HHAT: variants seen among roughly 807,000 people sequenced by gnomAD.
HHAT encodes protein-cysteine N-palmitoyltransferase HHAT.
Under a neutral mutation model 70.8 loss-of-function variants are expected in HHAT, and 47 were observed. That is an observed-to-expected ratio of 0.66 (90% confidence interval 0.53 to 0.85). The LOEUF is 0.85. HHAT is among the 40% of genes least tolerant of loss of function. The probability of loss-of-function intolerance (pLI) is 0.00; values close to 1 mark genes in which losing one functional copy is unlikely to be tolerated. For missense variants in HHAT, 609 were observed against 604.8 expected, an observed-to-expected ratio of 1.01 and a Z score of -0.07; for synonymous variants, 228 against 247.6, an observed-to-expected ratio of 0.92 and a Z score of 0.74.
chr1:210,661,260 A>G (rs1055295319), intron 11 of HHAT, among the ~76,000 whole-genome samples: 6 of 152,366 alleles, frequency 3.9e-5, no homozygotes, highest in Non-Finnish European at 8.8e-5. Flanking sequence ...AAAGGATAGG[A>G]ACAGACACTT....
chr1:210,458,576 A>G (rs1341963571), intron 7 of HHAT, among the ~76,000 whole-genome samples: 2 of 152,166 alleles, frequency 1.3e-5, no homozygotes, highest in Non-Finnish European at 2.9e-5. Flanking sequence ...CCTTAAGGGT[A>G]GAGTTTTGAC....
chr1:210,631,123 A>G (rs1268220808), intron 11 of HHAT: 1 of 456,534 alleles, frequency 2.2e-6, no homozygotes, highest in East Asian at 6.9e-5. Flanking sequence ...TTTTCCTGGA[A>G]TATTTGTATA....
intron 9 of HHAT, among the ~76,000 whole-genome samples, chr1:210,514,081 T>C (rs2095008948): frequency 6.6e-6 from 1 of 152,204 alleles, no homozygotes; most frequent in South Asian, 2.1e-4. Flanking sequence ...CATCTCCCTA[T>C]TGGTAAGATG....
At chr1:210,495,787 C>T (rs1032283645) in intron 8 of HHAT, among the ~76,000 whole-genome samples, 5 of 151,946 alleles carry the variant, frequency 3.3e-5, no homozygotes, top group East Asian at 1.9e-4. Context: ...GCGGGCAGAT[C>T]GCCTGAGGTC....
At chr1:210,610,369 GTT>G (rs140124326) in intron 10 of HHAT, among the ~76,000 whole-genome samples, 42,967 of 151,924 alleles carry the variant, frequency 0.28, 7,612 homozygotes, top group East Asian at 0.65. Context: ...GGGGTTGCTT[GTT>G]TTTCTCTTGT....
chr1:210,411,087 G>C (rs1341501996), intron 6 of HHAT, among the ~76,000 whole-genome samples: 1 of 152,164 alleles, frequency 6.6e-6, no homozygotes, highest in Non-Finnish European at 1.5e-5. Flanking sequence ...GTTTGAGGAG[G>C]GAAAGGAGGC....
intron 3 of HHAT, among the ~76,000 whole-genome samples, chr1:210,366,704 C>T (rs1044583947): frequency 3.3e-5 from 5 of 152,182 alleles, no homozygotes; most frequent in Admixed American, 2.6e-4. Flanking sequence ...AAATCATCCC[C>T]TTTTAAGAGC....
At chr1:210,427,436 G>A (rs1234784953) in intron 7 of HHAT, among the ~76,000 whole-genome samples, 1 of 152,058 alleles carries the variant, frequency 6.6e-6, no homozygotes, top group African/African-American at 2.4e-5. Flanking sequence ...TGTTGTAGGT[G>A]TTTAGTGCTA....
chr1:210,341,499 A>T (rs1473202399), intron 1 of HHAT, among the ~76,000 whole-genome samples: 1 of 152,198 alleles, frequency 6.6e-6, no homozygotes, highest in Admixed American at 6.5e-5. Context: ...TGCCTGTATG[A>T]CAGTGGGGGT....
intron 7 of HHAT, among the ~76,000 whole-genome samples, chr1:210,444,873 T>C (rs910494709): frequency 6.6e-6 from 1 of 152,108 alleles, no homozygotes; most frequent in Non-Finnish European, 1.5e-5. Flanking sequence ...AGAGTCTCAC[T>C]CTGTTGCCCA....
In HHAT at chr1:210,364,534, A is replaced by T. The variant is rs184485422; in HGVS notation, c.159+1615A>T. ...ACACATTTGAAAGACTTTTAGCTGC[A>T]GAGGAACAATGGTGAGGCAGCGTGA... On this transcript the variant is annotated intron_variant, in intron 3 of 11. Transcript: ENST00000261458. 2.7e-3 allele frequency among the ~76,000 whole-genome samples: 410 copies of T among 152,390 alleles called. 1 individual carries two copies. The highest frequency in any genetic ancestry group is 0.017 in the Middle Eastern group (5 of 294).
In HHAT at chr1:210,329,595, A is replaced by T. The variant is rs1471581588; in HGVS notation, c.-44+491A>T. 7 of 477,238 alleles carry T rather than the reference A, an allele frequency of 1.5e-5. No homozygotes were observed. In the East Asian group the frequency reaches 6.1e-4, roughly 41 times the overall value. The allele number at this position is 477,238 out of a possible 1,614,324, so 29.6% of individuals were successfully genotyped here. A position where few individuals can be genotyped will look rare whatever the true frequency, so the allele number is the denominator to read the frequency against. On this transcript the variant is annotated intron_variant, in intron 1 of 11. Transcript: ENST00000261458. ...CGGAAAAACCCTCCCGCTAATCCTC[A>T]CCAGAGGTACTTTACGGGTAGCATT...
Position 210,387,488 on chromosome 1 carries a change from G to T in HHAT, c.180G>T (p.Trp60Cys). ...TTTAGGATGCGACCGACTTTGAGTGGAGCTTCTGGATGGAATGGGGGAAGC... is the reference window on the plus strand; with the variant it reads ...TTTAGGATGCGACCGACTTTGAGTGTAGCTTCTGGATGGAATGGGGGAAGC... ...GLKKDATDFE[W>C]SFWMEWGKQW... Residue 60 changes from tryptophan (W) to cysteine (C), a missense_variant, in exon 4 of 12, where the codon TGG (tryptophan) becomes TGT (cysteine). Physicochemically the swap from Trp to Cys is radical, Grantham distance 215. Transcript: ENST00000261458. 1 of 1,614,102 alleles carries T rather than the reference G, an allele frequency of 6.2e-7. No homozygotes were observed. The highest frequency in any genetic ancestry group is 1.1e-5 in the South Asian group (1 of 91,076).
intron 7 of HHAT, among the ~76,000 whole-genome samples, chr1:210,433,095 CAG>C (rs1325595335): frequency 1.3e-5 from 2 of 151,714 alleles, no homozygotes; most frequent in Non-Finnish European, 2.9e-5. Flanking sequence ...AGATATACAA[CAG>C]ATCCTTCATC....
intron 1 of HHAT, among the ~76,000 whole-genome samples, chr1:210,346,517 A>G (rs1288254483): frequency 6.6e-6 from 1 of 152,226 alleles, no homozygotes; most frequent in African/African-American, 2.4e-5. Context: ...ATAGTAAGGA[A>G]CTTGAGAAAG....
intron 9 of HHAT, among the ~76,000 whole-genome samples, chr1:210,529,590 C>G (rs12129382): frequency 0.19 from 28,504 of 152,206 alleles, 3,285 homozygotes; most frequent in Middle Eastern, 0.28. Flanking sequence ...CTTGCAGCTA[C>G]TACCCCAGTG....
intron 10 of HHAT, among the ~76,000 whole-genome samples, chr1:210,592,130 T>C (rs916413589): frequency 2.0e-5 from 3 of 152,140 alleles, no homozygotes; most frequent in African/African-American, 7.2e-5. Context: ...GGCAAGTTTC[T>C]CCAGTGTTTT....
intron 10 of HHAT, among the ~76,000 whole-genome samples, chr1:210,591,256 A>C (rs1661631089): frequency 6.6e-6 from 1 of 152,010 alleles, no homozygotes; most frequent in Non-Finnish European, 1.5e-5. Context: ...TGTCTCCACA[A>C]GTTCAGTTGT....
chr1:210,405,089 T>C (rs1252966932), intron 6 of HHAT, among the ~76,000 whole-genome samples: 1 of 152,218 alleles, frequency 6.6e-6, no homozygotes, highest in Non-Finnish European at 1.5e-5. Flanking sequence ...ATGTTTCCTT[T>C]TATATTCACA....
Sources: gnomAD v4.1 joint callset for allele counts (sites outside exome capture counted in the v4.1 genomes callset) on GRCh38, gnomAD v4.1.1 for gene constraint, MANE v1.5 for transcripts, NCBI Gene and HGNC (gene_info 2026-07-23, HGNC 2026-07-21) for gene names.